FSTL5: variants seen among roughly 807,000 people sequenced by gnomAD.
FSTL5 encodes the protein follistatin-related protein 5.
FSTL5 carries 62 observed loss-of-function variants against 89.1 expected under a neutral mutation model. The observed-to-expected ratio is 0.70, with a 90% CI of 0.57 to 0.86. The LOEUF (loss-of-function observed/expected upper bound fraction) is 0.86, where lower values mean the gene tolerates loss of function less well. Ranked by LOEUF, FSTL5 falls within the 40% of genes least tolerant of loss-of-function variation. The probability of loss-of-function intolerance (pLI) is 0.00; values close to 1 mark genes in which losing one functional copy is unlikely to be tolerated. For synonymous variants in FSTL5, 383 were observed against 346.2 expected (o/e 1.11, Z -1.18); for missense variants, 1,057 against 1,001.6 (o/e 1.06, Z -0.75).
chr4:161,491,613 G>A (rs1015231432), intron 12 of FSTL5, among the ~76,000 whole-genome samples: 2 of 151,942 alleles, frequency 1.3e-5, no homozygotes, highest in Non-Finnish European at 1.5e-5. Context: ...AACTGTGGTG[G>A]GCAAATCACC....
In FSTL5 at chr4:161,636,046, A is replaced by T. The variant is rs73862356; in HGVS notation, c.894+20282T>A. ...TAACATACGTAGTTACGGAGAAAAG[A>T]TATGATAGTACCCAATGTCTTCCAA... is the stretch of plus-strand genomic sequence containing the variant. On this transcript the variant is annotated intron_variant, in intron 7 of 15. Transcript: ENST00000306100. Among the ~76,000 whole-genome samples, 289 of 152,066 alleles carry T rather than the reference A, an allele frequency of 1.9e-3. 1 individual carries two copies. The highest frequency in any genetic ancestry group is 6.5e-3 in the African/African-American group (271 of 41,532).
At chr4:161,600,783 G>A (rs1435935430) in intron 7 of FSTL5, among the ~76,000 whole-genome samples, 2 of 152,072 alleles carry the variant, frequency 1.3e-5, no homozygotes, top group African/African-American at 4.8e-5. Flanking sequence ...ATTAGTAAAT[G>A]AATACACATT....
chr4:161,832,665 C>T (rs900110545), intron 4 of FSTL5, among the ~76,000 whole-genome samples: 55 of 152,200 alleles, frequency 3.6e-4, no homozygotes, highest in Admixed American at 1.1e-3. Context: ...AGTTTATTTG[C>T]GTAAAGGTGT....
intron 8 of FSTL5, among the ~76,000 whole-genome samples, chr4:161,573,807 CAAAAGAAAAGACAG>C (rs1440161492): frequency 7.8e-6 from 1 of 127,908 alleles, no homozygotes; most frequent in Non-Finnish European, 1.7e-5. Context: ...AGAAAGAAAA[CAAAAGAAAAGACAG>C]AAAAGAAAAG....
intron 5 of FSTL5, among the ~76,000 whole-genome samples, chr4:161,774,306 C>A (rs78289551): frequency 3.3e-5 from 5 of 152,110 alleles, no homozygotes; most frequent in Admixed American, 6.6e-5. Flanking sequence ...CCTTCTCTCA[C>A]CCCCACTTCC....
chr4:161,624,411 T>A (rs1735242725), intron 7 of FSTL5, among the ~76,000 whole-genome samples: 1 of 151,988 alleles, frequency 6.6e-6, no homozygotes. Context: ...ACCTTCTGAA[T>A]AATAATTCAG....
rs181643433 is a variant in FSTL5 at position 161,827,262 on chromosome 4, G to A, written c.410-51188C>T. ...GCCAGCAGAGCTACCAGGCTTGGGA[G>A]TGGTTCTAGGGAGTGCCTGCACAGT... On this transcript the variant is annotated intron_variant, in intron 4 of 15. Transcript: ENST00000306100. Among the ~76,000 whole-genome samples the A allele has an allele frequency of 6.0e-4, 92 of 152,310 alleles. 1 individual carries two copies. Among genetic ancestry groups the A allele is most frequent in the Admixed American group, 5.2e-3 (80 of 15,300 alleles).
intron 7 of FSTL5, among the ~76,000 whole-genome samples, chr4:161,628,905 A>G (rs758398577): frequency 1.3e-5 from 2 of 152,200 alleles, no homozygotes; most frequent in Non-Finnish European, 2.9e-5. Flanking sequence ...TTAATTGGTT[A>G]GCATATTCAA....
chr4:161,597,628 TAA>T (rs547231802), intron 7 of FSTL5, among the ~76,000 whole-genome samples: 6 of 146,150 alleles, frequency 4.1e-5, no homozygotes, highest in African/African-American at 1.5e-4. Flanking sequence ...TAAAGTATAA[TAA>T]AAAAAATATG....
intron 4 of FSTL5, among the ~76,000 whole-genome samples, chr4:161,886,928 C>G (rs1423515046): frequency 7.9e-5 from 12 of 152,088 alleles, no homozygotes; most frequent in Non-Finnish European, 5.9e-5. Flanking sequence ...GATTGTAAAC[C>G]TTGATTATAA....
chr4:161,989,672 T>C (rs938133842), intron 3 of FSTL5, among the ~76,000 whole-genome samples: 3 of 152,140 alleles, frequency 2.0e-5, no homozygotes, highest in African/African-American at 4.8e-5. Context: ...ACTACTATGA[T>C]ACTCAGCAAA....
intron 3 of FSTL5, among the ~76,000 whole-genome samples, chr4:161,983,740 C>T (rs2111055787): frequency 6.6e-6 from 1 of 152,226 alleles, no homozygotes; most frequent in Admixed American, 6.5e-5. Context: ...ATATGTCTCT[C>T]ACCAAAATAA....
At chr4:161,949,947 T>C (rs532692810) in intron 3 of FSTL5, among the ~76,000 whole-genome samples, 10 of 152,294 alleles carry the variant, frequency 6.6e-5, no homozygotes, top group African/African-American at 2.4e-4. Flanking sequence ...CATTTGCTTC[T>C]ATTAATTGTT....
chr4:162,113,642 C>A (rs758638846), intron 1 of FSTL5, among the ~76,000 whole-genome samples: 2 of 152,186 alleles, frequency 1.3e-5, no homozygotes, highest in East Asian at 1.9e-4. Context: ...TCACCTCCTG[C>A]GACACTAAAC....
intron 1 of FSTL5, among the ~76,000 whole-genome samples, chr4:162,158,886 T>TA (rs972840357): frequency 2.6e-5 from 4 of 152,098 alleles, no homozygotes; most frequent in Non-Finnish European, 5.9e-5. Context: ...GACCAAATGA[T>TA]ACCAATAGAC....
intron 15 of FSTL5, among the ~76,000 whole-genome samples, chr4:161,434,687 A>T (rs531652188): frequency 6.6e-6 from 1 of 151,912 alleles, no homozygotes; most frequent in East Asian, 1.9e-4. Context: ...AGTGGTTAAT[A>T]ACTAGGATAT....
chr4:161,776,577 G>A (rs1218824570), intron 4 of FSTL5, among the ~76,000 whole-genome samples: 2 of 148,428 alleles, frequency 1.3e-5, no homozygotes, highest in Non-Finnish European at 1.5e-5. Flanking sequence ...ATACATATGA[G>A]ATTCCAAAAG....
intron 6 of FSTL5, among the ~76,000 whole-genome samples, chr4:161,714,328 T>A (rs540698185): frequency 3.3e-5 from 5 of 152,218 alleles, no homozygotes; most frequent in Non-Finnish European, 7.4e-5. Flanking sequence ...CACATCAGAG[T>A]ATTGTATCAT....
At chr4:161,784,127 G>A (rs1462190602) in intron 4 of FSTL5, among the ~76,000 whole-genome samples, 2 of 151,568 alleles carry the variant, frequency 1.3e-5, no homozygotes, top group Middle Eastern at 3.2e-3. Context: ...ATATAGATGG[G>A]GTTTTGCCAT....
Sources: allele counts gnomAD v4.1 joint callset (sites outside exome capture counted in the v4.1 genomes callset), GRCh38; gene constraint gnomAD v4.1.1; transcripts MANE v1.5; gene names NCBI Gene and HGNC (gene_info 2026-07-23, HGNC 2026-07-21).